FAM193A: variants seen among roughly 807,000 people sequenced by gnomAD.
FAM193A encodes the protein family with sequence similarity 193 member A, also known as protein FAM193A.
Under a neutral mutation model 126.5 loss-of-function variants are expected in FAM193A, and 22 were observed. The ratio of observed to expected loss-of-function variants is 0.17; its 90% CI spans 0.12 to 0.25. The LOEUF (loss-of-function observed/expected upper bound fraction) is 0.25, where lower values mean the gene tolerates loss of function less well. Among genes scored for constraint, FAM193A ranks in the 10% least tolerant of loss-of-function variants. The probability of loss-of-function intolerance (pLI) is 1.00; values close to 1 mark genes in which losing one functional copy is unlikely to be tolerated. For missense variants in FAM193A, 1,675 were observed against 1,672.8 expected, an observed-to-expected ratio of 1.00 and a Z score of -0.02; for synonymous variants, 761 against 646.8, an observed-to-expected ratio of 1.18 and a Z score of -2.68.
chr4:2,642,986 C>T (rs554448098), intron 6 of FAM193A, among the ~76,000 whole-genome samples: 2 of 152,008 alleles, frequency 1.3e-5, no homozygotes, highest in Non-Finnish European at 2.9e-5. Context: ...TTTCCGTTTG[C>T]TCATTGGGTA....
At chr4:2,597,720 C>G (rs1024318910) in intron 2 of FAM193A, among the ~76,000 whole-genome samples, 2 of 152,140 alleles carry the variant, frequency 1.3e-5, no homozygotes, top group Non-Finnish European at 2.9e-5. Context: ...AGGTCAGCCT[C>G]TTTGTTGGAG....
chr4:2,683,645 A>G (rs1577199847), intron 13 of FAM193A, among the ~76,000 whole-genome samples: 1 of 152,156 alleles, frequency 6.6e-6, no homozygotes, highest in Non-Finnish European at 1.5e-5. Flanking sequence ...ATATGTCTTC[A>G]TGTAGCTTTG....
Position 2,626,670 on chromosome 4 carries a change from C to T in FAM193A, c.803+93C>T. On this transcript the variant is annotated intron_variant, in intron 4 of 20. Transcript: ENST00000637812. Reference sequence around the variant, plus strand: ...CTCCTTTCAGGATGGGCTTTCCTTACAGTGCTCAGCTGGGTTTGCTTAGCC... The same window carrying T: ...CTCCTTTCAGGATGGGCTTTCCTTATAGTGCTCAGCTGGGTTTGCTTAGCC... The T allele has an allele frequency of 4.8e-6, 3 of 627,418 alleles. No homozygotes were observed. The South Asian group carries it at 5.3e-5, about 11-fold the overall frequency. The allele number at this position is 627,418 out of a possible 1,614,324, so 38.9% of individuals were successfully genotyped here. A position where few individuals can be genotyped will look rare whatever the true frequency, so the allele number is the denominator to read the frequency against.
intron 2 of FAM193A, among the ~76,000 whole-genome samples, chr4:2,608,984 G>A (rs1038516456): frequency 4.7e-5 from 7 of 150,098 alleles, no homozygotes; most frequent in Non-Finnish European, 8.8e-5. Flanking sequence ...TCTGCCTCCC[G>A]GGTTCACGCC....
intron 5 of FAM193A, among the ~76,000 whole-genome samples, chr4:2,635,476 T>C (rs1305275280): frequency 2.6e-5 from 4 of 152,240 alleles, no homozygotes; most frequent in South Asian, 2.1e-4. Flanking sequence ...TTTTAACATA[T>C]ATTAGAGAAT....
At chr4:2,551,612 C>T (rs1266910897) in intron 1 of FAM193A, among the ~76,000 whole-genome samples, 2 of 152,086 alleles carry the variant, frequency 1.3e-5, no homozygotes, top group African/African-American at 4.8e-5. Context: ...CTGTGGGAGT[C>T]TGTAGTGATG....
rs1178757402 is a variant in FAM193A at position 2,663,366 on chromosome 4, C to A, written c.2079+78C>A. On this transcript the variant is annotated intron_variant, in intron 12 of 20. Transcript: ENST00000637812. ...CTCTAAACATGAGCATTACTGAATACAAAATTATTTTGTTTCCCATAATTT... is the reference window on the plus strand; with the variant it reads ...CTCTAAACATGAGCATTACTGAATAAAAAATTATTTTGTTTCCCATAATTT... 6.0e-6 allele frequency: 7 copies of A among 1,161,506 alleles called. No individual in the cohort carries two copies. The Admixed American group carries it at 1.9e-4, about 31-fold the overall frequency. The allele number at this position is 1,161,506 out of a possible 1,614,324, so 71.9% of individuals were successfully genotyped here.
intron 2 of FAM193A, among the ~76,000 whole-genome samples, chr4:2,623,923 C>T (rs553913017): frequency 4.6e-5 from 7 of 152,210 alleles, no homozygotes; most frequent in African/African-American, 1.2e-4. Context: ...GCTGGCAGCC[C>T]CTGTCATGAG....
intron 1 of FAM193A, among the ~76,000 whole-genome samples, chr4:2,580,835 T>A (rs28581278): frequency 0.27 from 40,592 of 152,140 alleles, 5,893 homozygotes; most frequent in Middle Eastern, 0.39. Flanking sequence ...TCTTTATAAG[T>A]TTTTTAAAAC....
chr4:2,707,674 T>A (rs1718457038), intron 19 of FAM193A, among the ~76,000 whole-genome samples: 1 of 152,016 alleles, frequency 6.6e-6, no homozygotes, highest in African/African-American at 2.4e-5. Flanking sequence ...AAGAATCTTT[T>A]GTGTGTGGCT....
chr4:2,644,882 G>A (rs530769692), intron 6 of FAM193A, among the ~76,000 whole-genome samples: 9 of 152,110 alleles, frequency 5.9e-5, no homozygotes, highest in East Asian at 1.9e-4. Flanking sequence ...ATAGAAAATC[G>A]TAAACAAAGT....
chr4:2,646,630 T>G (rs577232369), intron 6 of FAM193A, 55 bp from the exon 7 acceptor site: 1 of 1,525,168 alleles, frequency 6.6e-7, no homozygotes, highest in Non-Finnish European at 8.8e-7. Context: ...ATTTCTGATC[T>G]CTGCTTCAGA....
At chr4:2,544,431 TG>T (rs1560431032) in intron 1 of FAM193A, among the ~76,000 whole-genome samples, 1 of 151,766 alleles carries the variant, frequency 6.6e-6, no homozygotes, top group South Asian at 2.1e-4. Flanking sequence ...GGCCAGGCGC[TG>T]TGGCTCACAC....
At chr4:2,711,542 C>T (rs1238615247) in intron 19 of FAM193A, among the ~76,000 whole-genome samples, 5 of 151,124 alleles carry the variant, frequency 3.3e-5, no homozygotes, top group African/African-American at 1.2e-4. Context: ...GTTTCACCAT[C>T]TTGGCCAGGC....
chr4:2,715,485 G>A (rs560280194), intron 19 of FAM193A: 1 of 985,482 alleles, frequency 1.0e-6, no homozygotes, highest in Non-Finnish European at 1.2e-6. Flanking sequence ...ATCTCTGGAT[G>A]TCATATGGGT....
At chr4:2,673,200 G>C (rs917307429) in intron 13 of FAM193A, among the ~76,000 whole-genome samples, 1 of 152,010 alleles carries the variant, frequency 6.6e-6, no homozygotes, top group Admixed American at 6.6e-5. Context: ...TCCAAAGGTA[G>C]CTCTAATCAG....
Position 2,659,621 on chromosome 4 carries a change from T to A in FAM193A, c.1453T>A (p.Ser485Thr). ...CACAGACACCATGAGGCACATGTTA[T>A]CGTCCCGGCTGAGCATGCCCGACTG... Reference protein sequence around the residue: ...NFTDTMRHMLSSRLSMPDCPN... With the variant: ...NFTDTMRHMLTSRLSMPDCPN... The change falls in exon 9 of 21, where the codon TCG becomes ACG. Residue 485 changes from serine (S) to threonine (T), a missense_variant. Physicochemically the swap from Ser to Thr is moderately conservative, Grantham distance 58 (BLOSUM62 1). Transcript: ENST00000637812. The A allele has an allele frequency of 6.2e-7, 1 of 1,614,184 alleles. No individual in the cohort carries two copies.
At chr4:2,672,478 C>A in intron 13 of FAM193A, 106 bp downstream of exon 13, 1 of 1,240,748 alleles carries the variant, frequency 8.1e-7, no homozygotes, top group Non-Finnish European at 1.1e-6. Flanking sequence ...CATAGGATAG[C>A]ATCTGCTCTG....
chr4:2,729,019 G>T (rs925623238), intron 20 of FAM193A, among the ~76,000 whole-genome samples: 1 of 151,376 alleles, frequency 6.6e-6, no homozygotes, highest in African/African-American at 2.4e-5. Flanking sequence ...TGTGAGCAGG[G>T]CAGGGGAGGG....
Sources: gnomAD v4.1 joint callset for allele counts (sites outside exome capture counted in the v4.1 genomes callset) on GRCh38, gnomAD v4.1.1 for gene constraint, MANE v1.5 for transcripts, NCBI Gene and HGNC (gene_info 2026-07-23, HGNC 2026-07-21) for gene names.